NFIX: variants seen among roughly 807,000 people sequenced by gnomAD.
NFIX encodes nuclear factor 1 X-type.
Under a neutral mutation model 53.3 loss-of-function variants are expected in NFIX, and 2 were observed. The observed-to-expected ratio is 0.04, with a 90% confidence interval of 0.02 to 0.12. The LOEUF (loss-of-function observed/expected upper bound fraction) is 0.12, where lower values mean the gene tolerates loss of function less well. NFIX is among the 10% of genes least tolerant of loss of function. NFIX has a pLI of 1.00. For synonymous variants in NFIX, 244 were observed against 289.0 expected (o/e 0.84, Z 1.58); for missense variants, 310 against 674.5 (o/e 0.46, Z 5.99).
chr19:12,996,170 T>TGTGC lies in NFIX; in HGVS notation c.27+307_27+308insTGCG, dbSNP rs2011461463. Among the ~76,000 whole-genome samples, 3 of 139,528 alleles carry TGTGC rather than the reference T, an allele frequency of 2.2e-5. No homozygotes were observed. The highest frequency in any genetic ancestry group is 8.0e-5 in the African/African-American group (3 of 37,686). 91.5% of individuals were successfully genotyped at this position (139,528 alleles called of 152,430 possible). On this transcript the variant is annotated intron_variant, in intron 1 of 10. Coordinates refer to ENST00000592199, the MANE Select transcript of NFIX (RefSeq NM_001365902.3). This position sits in a 1 kb window ranked among gnomAD's most constrained non-coding sequence, Gnocchi z 5.2. ...GTGTGTGTGTGTGTGTGTGTGTGTGTGCGCGCTCGACTGGGGTGCGATGGG... is the reference window on the plus strand; with the variant it reads ...GTGTGTGTGTGTGTGTGTGTGTGTGTGTGCGCGCGCTCGACTGGGGTGCGATGGG...
chr19:13,067,133 G>A lies in NFIX; in HGVS notation c.560-5914G>A, dbSNP rs2016454357. 6.6e-6 allele frequency among the ~76,000 whole-genome samples: 1 copy of A among 152,228 alleles called. No homozygotes were observed. Among genetic ancestry groups the A allele is most frequent in the African/African-American group, 2.4e-5 (1 of 41,458 alleles). On this transcript the variant is annotated intron_variant, in intron 2 of 10. Transcript: ENST00000592199. This position sits in a 1 kb window ranked among gnomAD's most constrained non-coding sequence, Gnocchi z 4.2. The stretch of plus-strand genomic sequence containing the variant: ...CCCTGGACGCTCCAGAATCTCAGAG[G>A]AAGCGGGAGAGAAGTAGGAGGCGGG...
intron 2 of NFIX, among the ~76,000 whole-genome samples, chr19:13,026,126 A>G (rs2013325534): frequency 1.3e-5 from 2 of 152,206 alleles, no homozygotes; most frequent in Non-Finnish European, 2.9e-5. Context: ...TCTGTGGCCT[A>G]AATACTCAGG....
intron 2 of NFIX, among the ~76,000 whole-genome samples, chr19:13,047,501 G>A (rs1156947331): frequency 2.0e-5 from 3 of 152,020 alleles, no homozygotes; most frequent in South Asian, 4.1e-4. Context: ...AGAAAATGTC[G>A]GCTCTGACTA....
intron 1 of NFIX, among the ~76,000 whole-genome samples, chr19:12,999,002 T>A (rs1006060695): frequency 1.3e-5 from 2 of 151,906 alleles, no homozygotes; most frequent in African/African-American, 4.8e-5. Flanking sequence ...CCTCCCAGAC[T>A]CATGGAGCCC....
rs1198151377 is a variant in NFIX at position 13,093,087 on chromosome 19, G to T, written c.1495-1548G>T. Among the ~76,000 whole-genome samples, 3 of 152,354 alleles carry T rather than the reference G, an allele frequency of 2.0e-5. No homozygotes were observed. Among genetic ancestry groups the T allele is most frequent in the Non-Finnish European group, 4.4e-5 (3 of 68,042 alleles). The stretch of plus-strand genomic sequence containing the variant: ...CTGCACTGTCCATTGTGGTAGCCAC[G>T]GGCCACGTGTGGCTGTTTACATTTA... On this transcript the variant is annotated intron_variant, in intron 10 of 10. Transcript: ENST00000592199. The surrounding 1 kb of genome is among the most constrained non-coding windows in gnomAD (Gnocchi z 4.7).
chr19:13,064,960 G>A (rs2016312267), intron 2 of NFIX, among the ~76,000 whole-genome samples: 1 of 152,188 alleles, frequency 6.6e-6, no homozygotes, highest in African/African-American at 2.4e-5. Flanking sequence ...CTAATGGTAG[G>A]TGTTATCTCC....
chr19:13,084,242 C>A lies in NFIX; in HGVS notation c.1254+2387C>A, dbSNP rs574430817. Among the ~76,000 whole-genome samples, 36 of 152,044 alleles carry A rather than the reference C, an allele frequency of 2.4e-4. 1 individual carries two copies. In the South Asian group the frequency reaches 7.3e-3, roughly 31 times the overall value. ...AGATGATTGCCTGAGCTCAGGAGTTCGAGACCAGCCTGGGCAACACGGTAA... is the reference window on the plus strand; with the variant it reads ...AGATGATTGCCTGAGCTCAGGAGTTAGAGACCAGCCTGGGCAACACGGTAA... On this transcript the variant is annotated intron_variant, in intron 8 of 10. Transcript: ENST00000592199.
At chr19:13,024,915 C>T (rs1245357483) in intron 1 of NFIX, 106 bp from the exon 2 acceptor site, 3 of 1,275,118 alleles carry the variant, frequency 2.4e-6, no homozygotes, top group East Asian at 2.5e-5. Context: ...TTTCCTTGTG[C>T]CCCCCCTTCT....
intron 2 of NFIX, among the ~76,000 whole-genome samples, chr19:13,031,233 C>T (rs1244054854): frequency 6.6e-6 from 1 of 152,188 alleles, no homozygotes; most frequent in Non-Finnish European, 1.5e-5. Flanking sequence ...AGTGCTTGCT[C>T]TGCTGGCTGA....
In NFIX at chr19:12,998,508, C is replaced by T. The variant is rs368502478; in HGVS notation, c.27+2644C>T. Among the ~76,000 whole-genome samples the T allele has an allele frequency of 2.0e-5, 3 of 151,648 alleles. No homozygotes were observed. The highest frequency in any genetic ancestry group is 2.1e-4 in the South Asian group (1 of 4,794). Reference sequence around the variant, plus strand: ...AAAAAGCATCGAAATTCAGGGCGGCCGGGTGGGGCGGTTCCTGGAGCTGCT... The same window carrying T: ...AAAAAGCATCGAAATTCAGGGCGGCTGGGTGGGGCGGTTCCTGGAGCTGCT... On this transcript the variant is annotated intron_variant, in intron 1 of 10. Coordinates refer to ENST00000592199, the MANE Select transcript of NFIX (RefSeq NM_001365902.3). The surrounding 1 kb of genome is among the most constrained non-coding windows in gnomAD (Gnocchi z 4.4).
At position 13,073,193 on chromosome 19, in the gene NFIX, T is replaced by C; in HGVS notation, c.622+84T>C. On this transcript the variant is annotated intron_variant, in intron 3 of 10. Coordinates refer to ENST00000592199, the MANE Select transcript of NFIX (RefSeq NM_001365902.3). This position sits in a 1 kb window ranked among gnomAD's most constrained non-coding sequence, Gnocchi z 4.5. ...CCCACCCTGGCTGCCCTGGCCACCC[T>C]CACTTCTTCCCCTTCATTCAGCTGT... The C allele has an allele frequency of 7.6e-7, 1 of 1,321,308 alleles. No individual in the cohort carries two copies. The highest frequency in any genetic ancestry group is 1.4e-5 in the African/African-American group (1 of 69,334). 81.8% of individuals were successfully genotyped at this position (1,321,308 alleles called of 1,614,324 possible).
intron 2 of NFIX, among the ~76,000 whole-genome samples, chr19:13,030,543 T>C (rs937924290): frequency 1.3e-5 from 2 of 152,212 alleles, no homozygotes; most frequent in South Asian, 4.1e-4. Context: ...GCAGCTCTTA[T>C]GTCTCCCTTC....
chr19:13,061,805 A>T (rs1314840855), intron 2 of NFIX, among the ~76,000 whole-genome samples: 4 of 152,178 alleles, frequency 2.6e-5, no homozygotes, highest in Non-Finnish European at 5.9e-5. Context: ...TGTTAAAAAA[A>T]AATCTGTAAA....
At chr19:13,008,490 C>T (rs938298584) in intron 1 of NFIX, among the ~76,000 whole-genome samples, 10 of 152,158 alleles carry the variant, frequency 6.6e-5, no homozygotes, top group African/African-American at 1.9e-4. Context: ...CTCCGGGTCC[C>T]GGGAGGAGCC....
chr19:13,071,310 A>C (rs993657983), intron 2 of NFIX: 3 of 152,224 alleles, frequency 2.0e-5, no homozygotes, highest in African/African-American at 7.2e-5. Flanking sequence ...CTGGGGCTCA[A>C]ATCAGACCCA....
rs147343957 is a variant in NFIX at position 13,049,742 on chromosome 19, C to A, written c.560-23305C>A. Among the ~76,000 whole-genome samples the A allele has an allele frequency of 6.6e-6, 1 of 151,932 alleles. No individual in the cohort carries two copies. ...CTAAGTAGCTGGGACTACAGGCGCC[C>A]GCCACCATGCCCAGCTAATTTTTGT... is the stretch of plus-strand genomic sequence containing the variant. On this transcript the variant is annotated intron_variant, in intron 2 of 10. Transcript: ENST00000592199. The surrounding 1 kb of genome is among the most constrained non-coding windows in gnomAD (Gnocchi z 4.5).
intron 2 of NFIX, chr19:13,070,703 C>T (rs1321405600): frequency 2.0e-5 from 3 of 152,576 alleles, no homozygotes; most frequent in African/African-American, 4.8e-5. Context: ...GAGCAGCGCC[C>T]GGAGGCGCGT....
rs957617506 is a variant in NFIX, at chr19:13,009,217, G to T, written c.27+13353G>T. On this transcript the variant is annotated intron_variant, in intron 1 of 10. Coordinates refer to ENST00000592199, the MANE Select transcript of NFIX (RefSeq NM_001365902.3). This position sits in a 1 kb window ranked among gnomAD's most constrained non-coding sequence, Gnocchi z 4.7. The stretch of plus-strand genomic sequence containing the variant: ...GTCGCACACACAGCCAGCCTCACGC[G>T]ATCACACCAAGCGTCACAGCTTGTC... 6.6e-6 allele frequency among the ~76,000 whole-genome samples: 1 copy of T among 151,966 alleles called. No individual in the cohort carries two copies. The highest frequency in any genetic ancestry group is 1.5e-5 in the Non-Finnish European group (1 of 68,004).
At chr19:13,091,902 T>C (rs2018164002) in intron 10 of NFIX, among the ~76,000 whole-genome samples, 1 of 152,252 alleles carries the variant, frequency 6.6e-6, no homozygotes, top group Non-Finnish European at 1.5e-5. Context: ...TTGCTCACTT[T>C]GCTTGGACGT....
Sources: gnomAD v4.1 joint callset for allele counts (sites outside exome capture counted in the v4.1 genomes callset) on GRCh38, gnomAD v4.1.1 for gene constraint, Gnocchi (gnomAD v3.1) non-coding constraint, MANE v1.5 for transcripts, NCBI Gene and HGNC (gene_info 2026-07-23, HGNC 2026-07-21) for gene names.